MCF2L: variants seen among roughly 807,000 people sequenced by gnomAD.
MCF2L encodes MCF.2 cell line derived transforming sequence like.
Under a neutral mutation model 153.4 loss-of-function variants are expected in MCF2L, and 97 were observed. The observed-to-expected ratio is 0.63, with a 90% CI of 0.54 to 0.75. The LOEUF (loss-of-function observed/expected upper bound fraction) is 0.75, where lower values mean the gene tolerates loss of function less well. MCF2L is among the 30% of genes least tolerant of loss of function. The pLI is 0.00. For synonymous variants in MCF2L, 659 were observed against 632.2 expected, an observed-to-expected ratio of 1.04 and a Z score of -0.64; for missense variants, 1,347 against 1,495.2, an observed-to-expected ratio of 0.90 and a Z score of 1.64.
intron 4 of MCF2L, among the ~76,000 whole-genome samples, chr13:113,049,346 G>A (rs1490343969): frequency 6.6e-6 from 1 of 151,780 alleles, no homozygotes; most frequent in African/African-American, 2.4e-5. Context: ...GTGGGGAAGG[G>A]GTGGGTGGTG....
chr13:112,947,132 G>A (rs928999712), intron 2 of MCF2L, among the ~76,000 whole-genome samples: 21 of 152,200 alleles, frequency 1.4e-4, no homozygotes, highest in Non-Finnish European at 5.9e-5. Context: ...ATCACAGGGT[G>A]AAAGGCAGGA....
chr13:113,086,406 GCCCCACAGCCGGGTCCACAGA>G (rs1233014488), intron 21 of MCF2L, among the ~76,000 whole-genome samples, 157 bp downstream of exon 21: 26 of 152,194 alleles, frequency 1.7e-4, no homozygotes, highest in South Asian at 4.2e-4. Flanking sequence ...CCACTCCCAG[GCCCCACAGCCGGGTCCACAGA>G]CCCCACAGCC....
intron 2 of MCF2L, among the ~76,000 whole-genome samples, chr13:112,923,431 T>A (rs1417013773): frequency 1.3e-5 from 2 of 151,614 alleles, no homozygotes; most frequent in East Asian, 3.9e-4. Context: ...GCCTGGCTAA[T>A]TTTTTTGTAT....
At position 113,097,602 on chromosome 13, in the gene MCF2L, AG is replaced by A. The variant is rs1053220752; in HGVS notation, c.*746del. The stretch of plus-strand genomic sequence containing the variant: ...GCCAAGGAGATTCCTTTATCTACCT[AG>A]GGTTCATTTTCAAAAGAAAATTTAA... On this transcript the variant is annotated 3_prime_UTR_variant, in exon 30 of 30. Coordinates refer to ENST00000535094, the MANE Select transcript of MCF2L (RefSeq NM_001112732.3). 1 of 152,214 alleles carries A rather than the reference AG, an allele frequency of 6.6e-6. No homozygotes were observed. The highest frequency in any genetic ancestry group is 2.4e-5 in the African/African-American group (1 of 41,452). The allele number at this position is 152,214 out of a possible 1,614,324, so 9.4% of individuals were successfully genotyped here.
chr13:113,004,168 T>C (rs2083544122), intron 1 of MCF2L, among the ~76,000 whole-genome samples: 1 of 152,172 alleles, frequency 6.6e-6, no homozygotes, highest in Non-Finnish European at 1.5e-5. Flanking sequence ...GGCTCTGGCA[T>C]GACCCTCCGG....
At chr13:112,962,420 C>A (rs1205272231) in intron 2 of MCF2L, among the ~76,000 whole-genome samples, 1 of 152,192 alleles carries the variant, frequency 6.6e-6, no homozygotes, top group East Asian at 1.9e-4. Flanking sequence ...TGGTGGGTTG[C>A]GGTCCCTGTG....
intron 1 of MCF2L, among the ~76,000 whole-genome samples, chr13:112,992,401 C>G (rs1336299850): frequency 2.0e-5 from 3 of 152,186 alleles, no homozygotes; most frequent in African/African-American, 7.2e-5. Flanking sequence ...TGTCATGAGG[C>G]CCAGTCGGAA....
At chr13:113,018,044 G>T in intron 2 of MCF2L, among the ~76,000 whole-genome samples, 1 of 152,196 alleles carries the variant, frequency 6.6e-6, no homozygotes, top group East Asian at 1.9e-4. Context: ...TGACATGTGC[G>T]GTCCCGTCTT....
In MCF2L at chr13:112,941,624, A is replaced by G. The variant is rs1434142898; in HGVS notation, c.169+39253A>G. Among the ~76,000 whole-genome samples the G allele has an allele frequency of 1.3e-5, 2 of 152,042 alleles. No homozygotes were observed. Among genetic ancestry groups the G allele is most frequent in the African/African-American group, 2.4e-5 (1 of 41,406 alleles). On this transcript the variant is annotated intron_variant, in intron 2 of 29. Transcript: ENST00000375608. This position sits in a 1 kb window ranked among gnomAD's most constrained non-coding sequence, Gnocchi z 4.9. Reference sequence around the variant, plus strand: ...ACCTCTGGATAAAGTTCCTAAAACCATGGTCCACTGTGGGCGGCAAGCCAC... The same window carrying G: ...ACCTCTGGATAAAGTTCCTAAAACCGTGGTCCACTGTGGGCGGCAAGCCAC...
At chr13:113,094,747 C>T (rs1221299438) in intron 27 of MCF2L, 112 bp downstream of exon 27, 5 of 1,358,758 alleles carry the variant, frequency 3.7e-6, no homozygotes, top group Non-Finnish European at 5.0e-6. Flanking sequence ...CCCAGCTCCT[C>T]CTAACCCTGG....
At chr13:113,030,432 C>T (rs1439171461) in intron 3 of MCF2L, among the ~76,000 whole-genome samples, 8 of 132,098 alleles carry the variant, frequency 6.1e-5, no homozygotes, top group Non-Finnish European at 4.7e-5. Flanking sequence ...CGCCGACGCC[C>T]GGTGTGGACT....
chr13:113,088,633 G>A lies in MCF2L; in HGVS notation c.2834+5G>A, dbSNP rs1157017693. On this transcript the variant is annotated splice_donor_5th_base_variant and intron_variant, in intron 25 of 29. Coordinates refer to ENST00000535094, the MANE Select transcript of MCF2L (RefSeq NM_001112732.3). ...GCCGGCCCCGACCAGCACCAGGTGA[G>A]AATGGACACGCTGCCGCAGGCCTGC... 1 of 1,605,262 alleles carries A rather than the reference G, an allele frequency of 6.2e-7. No individual in the cohort carries two copies. Among genetic ancestry groups the A allele is most frequent in the Non-Finnish European group, 8.5e-7 (1 of 1,179,592 alleles).
At chr13:112,980,403 G>A (rs2082366890) in intron 1 of MCF2L, among the ~76,000 whole-genome samples, 2 of 152,238 alleles carry the variant, frequency 1.3e-5, no homozygotes, top group Admixed American at 1.3e-4. Flanking sequence ...TGGAACGTGG[G>A]GCAGAAGTTG....
intron 1 of MCF2L, among the ~76,000 whole-genome samples, chr13:113,003,080 A>T (rs2141065951): frequency 6.6e-6 from 1 of 150,872 alleles, no homozygotes; most frequent in Non-Finnish European, 1.5e-5. Flanking sequence ...GGGGGCTGAG[A>T]GGGGAGAATC....
exon 2 of MCF2L, chr13:112,902,351 A>C: frequency 6.2e-7 from 1 of 1,612,608 alleles, no homozygotes. Context: ...GACACACCGG[A>C]GGCGACGGCC....
In MCF2L at chr13:113,099,152, A is replaced by G. The variant is rs1370685190; in HGVS notation, c.*2293A>G. Reference sequence around the variant, plus strand: ...CCTGAAATGGGATTCAGGACAGTTCATAGAGTAAAGGGGGCTGCGTGGCAA... The same window carrying G: ...CCTGAAATGGGATTCAGGACAGTTCGTAGAGTAAAGGGGGCTGCGTGGCAA... On this transcript the variant is annotated 3_prime_UTR_variant, in exon 30 of 30. Coordinates refer to ENST00000535094, the MANE Select transcript of MCF2L (RefSeq NM_001112732.3). 6.6e-6 allele frequency: 1 copy of G among 152,238 alleles called. No homozygotes were observed. Among genetic ancestry groups the G allele is most frequent in the African/African-American group, 2.4e-5 (1 of 41,456 alleles). 9.4% of individuals were successfully genotyped at this position (152,238 alleles called of 1,614,324 possible).
intron 3 of MCF2L, among the ~76,000 whole-genome samples, chr13:113,033,373 CGTGACGTGA>C (rs2085903428): frequency 9.3e-6 from 1 of 108,106 alleles, no homozygotes; most frequent in Non-Finnish European, 1.8e-5. Context: ...GAGTGGCCCC[CGTGACGTGA>C]GTGGCCCCCG....
intron 4 of MCF2L, among the ~76,000 whole-genome samples, chr13:113,050,878 G>C (rs2087257766): frequency 6.6e-6 from 1 of 152,008 alleles, no homozygotes; most frequent in African/African-American, 2.4e-5. Flanking sequence ...TGTCCAGATG[G>C]AGGGGGGCGA....
At chr13:113,092,720 T>C (rs978625450) in intron 26 of MCF2L, among the ~76,000 whole-genome samples, 1 of 152,272 alleles carries the variant, frequency 6.6e-6, no homozygotes, top group Admixed American at 6.5e-5. Flanking sequence ...TGGCCTGGCC[T>C]GTGGCTGCCC....
Sources: allele counts gnomAD v4.1 joint callset (sites outside exome capture counted in the v4.1 genomes callset), GRCh38; gene constraint gnomAD v4.1.1; non-coding constraint Gnocchi (gnomAD v3.1); transcripts MANE v1.5; gene names NCBI Gene and HGNC (gene_info 2026-07-23, HGNC 2026-07-21).